The following KAT6B variants were observed in gnomAD, a reference collection of about 807,000 sequenced individuals.
KAT6B encodes histone acetyltransferase KAT6B.
A neutral mutation model predicts 187.5 loss-of-function variants in KAT6B; 10 were observed. The ratio of observed to expected loss-of-function variants is 0.05; its 90% CI spans 0.03 to 0.09. KAT6B has a LOEUF of 0.09. KAT6B is among the 10% of genes least tolerant of loss of function. The pLI is 1.00. For synonymous variants in KAT6B, 861 were observed against 926.8 expected (o/e 0.93, Z 1.29); for missense variants, 1,952 against 2,558.9 (o/e 0.76, Z 5.12).
At chr10:74,943,088 T>C (rs1849816667) in intron 3 of KAT6B, among the ~76,000 whole-genome samples, 1 of 152,206 alleles carries the variant, frequency 6.6e-6, no homozygotes, top group African/African-American at 2.4e-5. Context: ...TCAAAAATCC[T>C]AAGGAATCTT....
At chr10:74,985,281 A>G (rs77933689) in intron 12 of KAT6B, 40 bp downstream of exon 12, 2 of 1,607,628 alleles carry the variant, frequency 1.2e-6, no homozygotes, top group East Asian at 4.5e-5. Flanking sequence ...TTCTTTTTCA[A>G]AATGTTTTTG....
intron 3 of KAT6B, among the ~76,000 whole-genome samples, chr10:74,847,737 C>T (rs757870027): frequency 6.6e-6 from 1 of 151,518 alleles, no homozygotes; most frequent in Non-Finnish European, 1.5e-5. Flanking sequence ...TAATATATTA[C>T]CCTTTGAAAT....
At chr10:74,858,675 A>G (rs576956386) in intron 3 of KAT6B, among the ~76,000 whole-genome samples, 1 of 152,184 alleles carries the variant, frequency 6.6e-6, no homozygotes, top group South Asian at 2.1e-4. Flanking sequence ...ATTTATCAAG[A>G]TAGGCTCTTT....
At chr10:74,902,759 TATTA>T (rs1037434050) in intron 3 of KAT6B, among the ~76,000 whole-genome samples, 134 of 152,356 alleles carry the variant, frequency 8.8e-4, no homozygotes, top group African/African-American at 1.7e-3. Context: ...GTGAATCTTT[TATTA>T]ATTCTTTCCT....
intron 6 of KAT6B, among the ~76,000 whole-genome samples, chr10:74,972,028 T>C (rs968561187): frequency 6.6e-6 from 1 of 152,184 alleles, no homozygotes; most frequent in Non-Finnish European, 1.5e-5. Context: ...TGAATCATTG[T>C]AGTTCTGCAG....
At chr10:74,858,028 TAA>T (rs1043358937) in intron 3 of KAT6B, among the ~76,000 whole-genome samples, 1 of 145,076 alleles carries the variant, frequency 6.9e-6, no homozygotes, top group Non-Finnish European at 1.5e-5. Context: ...ATTTCTTAAT[TAA>T]AAAAAAAAAG....
chr10:74,844,716 C>CT (rs1366199847), intron 3 of KAT6B, among the ~76,000 whole-genome samples: 2 of 152,192 alleles, frequency 1.3e-5, no homozygotes, highest in Admixed American at 6.5e-5. Context: ...ACTGCTACCA[C>CT]TTTAAGTTTT....
chr10:75,027,392 C>T (rs1279341320), intron 17 of KAT6B, among the ~76,000 whole-genome samples: 2 of 152,174 alleles, frequency 1.3e-5, no homozygotes, highest in African/African-American at 4.8e-5. Flanking sequence ...GACTAGAACT[C>T]ACTCTATTCT....
chr10:74,826,280 G>A (rs1589419002), upstream of KAT6B, among the ~76,000 whole-genome samples: 1 of 152,250 alleles, frequency 6.6e-6, no homozygotes, highest in East Asian at 1.9e-4. Flanking sequence ...AGGTGGCGCG[G>A]TATCTAGGAG....
chr10:74,982,214 T>A, intron 11 of KAT6B: 1 of 373,586 alleles, frequency 2.7e-6, no homozygotes, highest in South Asian at 2.5e-5. Context: ...TCTCCTCAGC[T>A]CTTTGTAAAT....
chr10:74,997,239 C>G (rs1389734360), intron 13 of KAT6B, among the ~76,000 whole-genome samples: 2 of 146,022 alleles, frequency 1.4e-5, no homozygotes, highest in African/African-American at 5.0e-5. Flanking sequence ...CCCACCCCCC[C>G]ATTCCCCTCC....
At chr10:74,847,429 G>A (rs1426776749) in intron 3 of KAT6B, among the ~76,000 whole-genome samples, 2 of 152,136 alleles carry the variant, frequency 1.3e-5, no homozygotes, top group African/African-American at 2.4e-5. Context: ...TTGGGAGGCC[G>A]AGGTGGGTGG....
At chr10:75,015,357 A>G (rs1032817976) in intron 13 of KAT6B, among the ~76,000 whole-genome samples, 5 of 152,228 alleles carry the variant, frequency 3.3e-5, no homozygotes, top group Admixed American at 6.5e-5. Context: ...GGCAGGTCAC[A>G]GGTCATTTAG....
Position 74,843,369 on chromosome 10 carries a change from A to G in KAT6B, c.512A>G (p.Gln171Arg). The change falls in exon 3 of 18, where the codon CAG (glutamine) becomes CGG (arginine). Residue 171 changes from glutamine (Q) to arginine (R), a missense_variant. Coordinates refer to ENST00000287239, the MANE Select transcript of KAT6B (RefSeq NM_012330.4). ...NNGRLLKDGP[Q>R]YRVNYGSLDG... ...GGGAGGTTACTGAAAGACGGACCGC[A>G]GTACAGGGTCAATTATGGGAGCTTA... 6.2e-7 allele frequency: 1 copy of G among 1,613,650 alleles called. No homozygotes were observed. The highest frequency in any genetic ancestry group is 8.5e-7 in the Non-Finnish European group (1 of 1,179,778).
chr10:74,964,228 T>G (rs1841305139), intron 4 of KAT6B, among the ~76,000 whole-genome samples: 1 of 152,160 alleles, frequency 6.6e-6, no homozygotes, highest in African/African-American at 2.4e-5. Flanking sequence ...TGATTGACCA[T>G]CCAAAGAGAT....
chr10:74,876,666 C>CT (rs1844434174), intron 3 of KAT6B, among the ~76,000 whole-genome samples: 1 of 152,056 alleles, frequency 6.6e-6, no homozygotes, highest in African/African-American at 2.4e-5. Context: ...GTAATCCCAG[C>CT]ACTTTGGGAG....
chr10:74,959,245 A>C (rs1196059093), intron 3 of KAT6B, among the ~76,000 whole-genome samples: 1 of 152,130 alleles, frequency 6.6e-6, no homozygotes, highest in East Asian at 1.9e-4. Flanking sequence ...TTTTATGTCA[A>C]ATATTTAGTA....
chr10:74,929,039 C>T (rs577666342), intron 3 of KAT6B, among the ~76,000 whole-genome samples: 6 of 152,262 alleles, frequency 3.9e-5, no homozygotes, highest in Non-Finnish European at 8.8e-5. Flanking sequence ...GATAAAAGTA[C>T]GCAAAGCTTT....
intron 3 of KAT6B, among the ~76,000 whole-genome samples, chr10:74,851,269 C>T (rs554955655): frequency 3.3e-5 from 5 of 150,356 alleles, no homozygotes; most frequent in South Asian, 2.1e-4. Flanking sequence ...CCACCATGCC[C>T]GGCTAATTTT....
Sources: allele counts gnomAD v4.1 joint callset (sites outside exome capture counted in the v4.1 genomes callset), GRCh38; gene constraint gnomAD v4.1.1; transcripts MANE v1.5; gene names NCBI Gene and HGNC (gene_info 2026-07-23, HGNC 2026-07-21).